BCR: variants seen among roughly 807,000 people sequenced by gnomAD.
BCR encodes BCR activator of RhoGEF and GTPase, also known as breakpoint cluster region protein.
BCR carries 58 observed loss-of-function variants against 138.6 expected under a neutral mutation model. The observed-to-expected ratio is 0.42, with a 90% CI of 0.34 to 0.52. BCR has a LOEUF of 0.52. Among genes scored for constraint, BCR ranks in the 20% least tolerant of loss-of-function variants. BCR has a pLI of 0.06. For missense variants in BCR, 1,599 were observed against 1,727.2 expected (o/e 0.93, Z 1.32); for synonymous variants, 786 against 730.1 (o/e 1.08, Z -1.23).
chr22:23,264,554 C>CA (rs2073415093), intron 4 of BCR: 1 of 491,136 alleles, frequency 2.0e-6, no homozygotes. Flanking sequence ...CAGTCCCTCC[C>CA]AGGAACCTGT....
intron 1 of BCR, among the ~76,000 whole-genome samples, chr22:23,220,720 A>G (rs570711154): frequency 1.3e-5 from 2 of 152,152 alleles, no homozygotes; most frequent in South Asian, 2.1e-4. Flanking sequence ...GAGCTGGGCA[A>G]CGATCCTCTC....
intron 19 of BCR, 158 bp downstream of exon 19, chr22:23,311,994 T>C (rs1300885789): frequency 6.5e-6 from 9 of 1,380,044 alleles, no homozygotes; most frequent in Non-Finnish European, 9.6e-7. Context: ...ACAAGAGTTG[T>C]AGAAAAAGCC....
chr22:23,284,955 C>T (rs1051343390), intron 9 of BCR, 78 bp from the exon 10 acceptor site: 6 of 1,498,988 alleles, frequency 4.0e-6, no homozygotes, highest in Non-Finnish European at 5.5e-6. Context: ...AACACTGGCT[C>T]TTGGGCTCTT....
chr22:23,284,566 G>A (rs568035327), intron 9 of BCR, among the ~76,000 whole-genome samples: 4 of 152,310 alleles, frequency 2.6e-5, no homozygotes, highest in African/African-American at 7.2e-5. Flanking sequence ...GGACCAGCAC[G>A]GGGCTCTTTC....
intron 19 of BCR, chr22:23,312,657 A>C (rs959177558): frequency 8.9e-6 from 5 of 561,856 alleles, no homozygotes; most frequent in Non-Finnish European, 1.6e-5. Context: ...CCTGGCCATC[A>C]CATCAGGCCA....
Position 23,181,239 on chromosome 22 carries a change from C to A in BCR, c.279C>A (p.Ser93=). ...ACGGCGCCTCCGAGCCCCGAGCGTCCGCGTCGCGCCCGCAGCCAGCGCCCG... is the reference window on the plus strand; with the variant it reads ...ACGGCGCCTCCGAGCCCCGAGCGTCAGCGTCGCGCCCGCAGCCAGCGCCCG... The part of the protein sequence containing the change: ...APDGASEPRA[S]ASRPQPAPAD... Residue 93 remains serine (S), a synonymous_variant, in exon 1 of 23, where the codon TCC becomes TCA. Transcript: ENST00000305877. 1.6e-6 allele frequency: 2 copies of A among 1,233,894 alleles called. No homozygotes were observed. The highest frequency in any genetic ancestry group is 2.0e-6 in the Non-Finnish European group (2 of 980,098). 76.4% of individuals were successfully genotyped at this position (1,233,894 alleles called of 1,614,324 possible). A position where few individuals can be genotyped will look rare whatever the true frequency, so the allele number is the denominator to read the frequency against.
At chr22:23,262,684 C>T in intron 4 of BCR, 3 of 683,400 alleles carry the variant, frequency 4.4e-6, no homozygotes, top group Non-Finnish European at 5.4e-6. Flanking sequence ...TGTGGGGCCG[C>T]CGGGAATGGC....
At chr22:23,257,473 C>T (rs180811604) in intron 2 of BCR, among the ~76,000 whole-genome samples, 88 of 152,386 alleles carry the variant, frequency 5.8e-4, no homozygotes, top group Non-Finnish European at 8.5e-4. Context: ...CTGGGCCCTA[C>T]AGGCCGCCTG....
At chr22:23,258,022 G>A (rs116644002) in intron 2 of BCR, among the ~76,000 whole-genome samples, 6 of 152,154 alleles carry the variant, frequency 3.9e-5, no homozygotes, top group Non-Finnish European at 5.9e-5. Flanking sequence ...GCTCCCACCC[G>A]TGGAGTCACT....
At chr22:23,290,815 G>C (rs1453953434) in intron 14 of BCR, 1 of 229,306 alleles carries the variant, frequency 4.4e-6, no homozygotes, top group Non-Finnish European at 8.8e-6. Flanking sequence ...GAGCTGGATG[G>C]ATACTACTTT....
intron 4 of BCR, chr22:23,262,978 A>G (rs1294778149): frequency 5.4e-6 from 5 of 930,390 alleles, no homozygotes; most frequent in East Asian, 3.9e-5. Flanking sequence ...ATCAAAGGAG[A>G]TGAGGGGAGC....
chr22:23,227,884 C>T (rs1039683032), intron 1 of BCR, among the ~76,000 whole-genome samples: 1 of 152,164 alleles, frequency 6.6e-6, no homozygotes, highest in Non-Finnish European at 1.5e-5. Flanking sequence ...GGCCCCAGGG[C>T]TCTTTTTCCT....
At position 23,263,122 on chromosome 22, in the gene BCR, G is replaced by C. The variant is rs1348636007; in HGVS notation, c.1752+1582G>C. On this transcript the variant is annotated intron_variant, in intron 4 of 22. Coordinates refer to ENST00000305877, the MANE Select transcript of BCR (RefSeq NM_004327.4). ...GGTCAGGTTTGGGCCTACATCCCGG[G>C]GACAGGGGCGGCCATGGCGGCGGCA... The C allele has an allele frequency of 4.2e-6, 3 of 709,166 alleles. 1 individual carries two copies. The highest frequency in any genetic ancestry group is 3.7e-5 in the South Asian group (2 of 53,448). The allele number at this position is 709,166 out of a possible 1,614,324, so 43.9% of individuals were successfully genotyped here. A position where few individuals can be genotyped will look rare whatever the true frequency, so the allele number is the denominator to read the frequency against.
chr22:23,258,932 CA>C (rs2073326074), intron 2 of BCR, among the ~76,000 whole-genome samples: 2 of 152,368 alleles, frequency 1.3e-5, no homozygotes, highest in South Asian at 4.1e-4. Flanking sequence ...CCGGACCTGG[CA>C]CCACCCCCAC....
At chr22:23,226,163 G>A (rs1005764394) in intron 1 of BCR, among the ~76,000 whole-genome samples, 5 of 152,190 alleles carry the variant, frequency 3.3e-5, no homozygotes, top group Admixed American at 1.3e-4. Flanking sequence ...GTCCTATGCT[G>A]TTTTCCAGCA....
chr22:23,220,494 T>C (rs2072812104), intron 1 of BCR, among the ~76,000 whole-genome samples: 1 of 152,146 alleles, frequency 6.6e-6, no homozygotes, highest in South Asian at 2.1e-4. Context: ...GCTGAAAACA[T>C]GGGAATCCCT....
intron 1 of BCR, among the ~76,000 whole-genome samples, chr22:23,253,524 G>C (rs2073255810): frequency 6.6e-6 from 1 of 152,220 alleles, no homozygotes; most frequent in African/African-American, 2.4e-5. Context: ...GATATGCAAA[G>C]ATCAAATATA....
intron 8 of BCR, among the ~76,000 whole-genome samples, chr22:23,281,675 G>T (rs1487798246): frequency 6.6e-6 from 1 of 152,020 alleles, no homozygotes; most frequent in African/African-American, 2.4e-5. Context: ...AGTTGCACAG[G>T]TGGGTGGGGG....
At chr22:23,298,517 TTTCCTTCCCTTCCTTCCTTCCC>T (rs1177831021) in intron 16 of BCR, among the ~76,000 whole-genome samples, 1 of 150,236 alleles carries the variant, frequency 6.7e-6, no homozygotes, top group Non-Finnish European at 1.5e-5. Context: ...TTTCCTCACT[TTTCCTTCCCTTCCTTCCTTCCC>T]TTCCTTCCCT....
Sources: allele counts gnomAD v4.1 joint callset (sites outside exome capture counted in the v4.1 genomes callset), GRCh38; gene constraint gnomAD v4.1.1; transcripts MANE v1.5; gene names NCBI Gene and HGNC (gene_info 2026-07-23, HGNC 2026-07-21).